TRPM6: variants seen among roughly 807,000 people sequenced by gnomAD.
TRPM6 encodes channel kinase 2.
TRPM6 carries 111 observed loss-of-function variants against 247.6 expected under a neutral mutation model. That is an observed-to-expected ratio of 0.45 (90% CI 0.38 to 0.52). The LOEUF is 0.52. TRPM6 is among the 20% of genes least tolerant of loss of function. The probability of loss-of-function intolerance (pLI) is 0.00; values close to 1 mark genes in which losing one functional copy is unlikely to be tolerated. For missense variants in TRPM6, 2,126 were observed against 2,421.5 expected (o/e 0.88, Z 2.56); for synonymous variants, 892 against 853.8 (o/e 1.04, Z -0.78).
chr9:74,750,999 A>C (rs1237316262), intron 29 of TRPM6, among the ~76,000 whole-genome samples: 2 of 152,216 alleles, frequency 1.3e-5, no homozygotes, highest in Non-Finnish European at 2.9e-5. Context: ...TTTTTTACAG[A>C]CTGAACATAG....
At chr9:74,790,593 A>G (rs907984812) in intron 19 of TRPM6, among the ~76,000 whole-genome samples, 1 of 152,288 alleles carries the variant, frequency 6.6e-6, no homozygotes, top group Middle Eastern at 3.4e-3. Flanking sequence ...TGAGGTCAGT[A>G]TTGATGTTTG....
chr9:74,853,058 C>T (rs1830399659), intron 3 of TRPM6, among the ~76,000 whole-genome samples: 1 of 151,212 alleles, frequency 6.6e-6, no homozygotes, highest in East Asian at 2.0e-4. Flanking sequence ...CGCCTCTGCC[C>T]CGCCGCCCCG....
Position 74,798,286 on chromosome 9 carries a change from A to C in TRPM6, c.2239-1393T>G, listed in dbSNP as rs139337540. Among the ~76,000 whole-genome samples the C allele has an allele frequency of 4.0e-3, 600 of 151,064 alleles. 4 individuals carry two copies. Among genetic ancestry groups the C allele is most frequent in the African/African-American group, 0.014 (571 of 41,174 alleles). ...CCTTCTTTTTTTTTTTTTCATGATG[A>C]AATTATCTTTTGTCACCCTGTTTTA... On this transcript the variant is annotated intron_variant, in intron 17 of 38. Transcript: ENST00000360774.
At chr9:74,725,444 C>A (rs1312077420) in intron 38 of TRPM6, among the ~76,000 whole-genome samples, 1 of 151,990 alleles carries the variant, frequency 6.6e-6, no homozygotes, top group Non-Finnish European at 1.5e-5. Flanking sequence ...AAACAATCAA[C>A]ATTTATTGAA....
In TRPM6 at chr9:74,802,170, C is replaced by T; in HGVS notation, c.1737G>A (p.Lys579=). ...RTAQPYKFKE[K]SIVLHKSRKK... is the part of the protein sequence containing the mutation. ...TCCTTGATTTATGAAGGACTATAGACTTTTCCTGTTGGAAAATAAAATAGG... is the reference window on the plus strand; with the variant it reads ...TCCTTGATTTATGAAGGACTATAGATTTTTCCTGTTGGAAAATAAAATAGG... The change falls in exon 16 of 39, where the codon AAG becomes AAA. Residue 579 remains lysine, a synonymous_variant. Coordinates refer to ENST00000360774, the MANE Select transcript of TRPM6 (RefSeq NM_017662.5). The T allele has an allele frequency of 1.2e-6, 2 of 1,613,740 alleles. No homozygotes were observed. Among genetic ancestry groups the T allele is most frequent in the Non-Finnish European group, 1.7e-6 (2 of 1,179,708 alleles).
intron 5 of TRPM6, among the ~76,000 whole-genome samples, chr9:74,838,683 T>C (rs928413553): frequency 2.8e-4 from 43 of 152,172 alleles, no homozygotes; most frequent in African/African-American, 9.4e-4. Context: ...TAGCTCTAGT[T>C]GAGATATTCA....
chr9:74,859,984 A>C (rs1446325835), intron 1 of TRPM6, among the ~76,000 whole-genome samples: 1 of 152,210 alleles, frequency 6.6e-6, no homozygotes, highest in Non-Finnish European at 1.5e-5. Flanking sequence ...GTACCTCATT[A>C]TCACACTATC....
chr9:74,837,583 A>G (rs1479713562), intron 5 of TRPM6, among the ~76,000 whole-genome samples: 6 of 151,248 alleles, frequency 4.0e-5, no homozygotes, highest in Admixed American at 1.3e-4. Context: ...AGTAGCTGGG[A>G]CTACAGGCGC....
chr9:74,781,240 A>G (rs1827431338), intron 23 of TRPM6, among the ~76,000 whole-genome samples: 1 of 152,126 alleles, frequency 6.6e-6, no homozygotes. Context: ...GAAGTGACAG[A>G]GAAGAAAACA....
chr9:74,887,243 T>C, intron 1 of TRPM6: 1 of 1,276,122 alleles, frequency 7.8e-7, no homozygotes, highest in Middle Eastern at 2.0e-4. Flanking sequence ...TAACCGGCGC[T>C]GTCATCGCTC....
chr9:74,882,323 T>A (rs975421825), intron 1 of TRPM6, among the ~76,000 whole-genome samples: 7 of 152,196 alleles, frequency 4.6e-5, no homozygotes, highest in Non-Finnish European at 1.0e-4. Context: ...AGAGACAATC[T>A]GTTGAGTTGG....
At chr9:74,802,224 AT>A (rs1423819858) in intron 15 of TRPM6, 49 bp from the exon 16 acceptor site, 1 of 1,555,712 alleles carries the variant, frequency 6.4e-7, no homozygotes. Flanking sequence ...CAGATGTATG[AT>A]GTTTTACCTA....
At chr9:74,752,225 G>T (rs1826272704) in intron 29 of TRPM6, 52 bp downstream of exon 29, 3 of 1,027,650 alleles carry the variant, frequency 2.9e-6, no homozygotes, top group Non-Finnish European at 3.0e-6. Context: ...GTAGTCAAGA[G>T]TAGCACTGCA....
At chr9:74,878,670 G>C (rs1239309542) in intron 1 of TRPM6, among the ~76,000 whole-genome samples, 3 of 152,168 alleles carry the variant, frequency 2.0e-5, no homozygotes, top group Non-Finnish European at 2.9e-5. Flanking sequence ...AAGAAGCAAT[G>C]GTTATGCCAC....
chr9:74,854,421 C>A (rs1830460259), intron 3 of TRPM6, among the ~76,000 whole-genome samples: 1 of 152,000 alleles, frequency 6.6e-6, no homozygotes, highest in Non-Finnish European at 1.5e-5. Context: ...TAGGTTTATG[C>A]AAAATTAATT....
chr9:74,859,589 A>G (rs982720835), intron 1 of TRPM6, among the ~76,000 whole-genome samples: 2 of 152,282 alleles, frequency 1.3e-5, no homozygotes, highest in Admixed American at 1.3e-4. Context: ...CCTGGCCATC[A>G]TGGTGAAACC....
intron 23 of TRPM6, among the ~76,000 whole-genome samples, chr9:74,780,101 G>T (rs1439930049): frequency 6.6e-6 from 1 of 151,806 alleles, no homozygotes; most frequent in East Asian, 1.9e-4. Flanking sequence ...GAACCCGGGA[G>T]GCAAAGGTTG....
chr9:74,751,358 A>G (rs1433220884), intron 29 of TRPM6, among the ~76,000 whole-genome samples: 3 of 152,324 alleles, frequency 2.0e-5, no homozygotes, highest in Admixed American at 2.0e-4. Flanking sequence ...AATGAAGCTC[A>G]TAGGTTAACT....
At chr9:74,881,287 TATATC>T (rs1831355784) in intron 1 of TRPM6, among the ~76,000 whole-genome samples, 1 of 151,934 alleles carries the variant, frequency 6.6e-6, no homozygotes, top group African/African-American at 2.4e-5. Context: ...TAACTATACT[TATATC>T]AGATGAAACA....
Sources: gnomAD v4.1 joint callset for allele counts (sites outside exome capture counted in the v4.1 genomes callset) on GRCh38, gnomAD v4.1.1 for gene constraint, MANE v1.5 for transcripts, NCBI Gene and HGNC (gene_info 2026-07-23, HGNC 2026-07-21) for gene names.